Variants in MYO1C observed in about 807,000 individuals in gnomAD.
The protein encoded by MYO1C is myosin IC.
In MYO1C, 104 loss-of-function variants were observed where a neutral mutation model predicts 150.8. The ratio of observed to expected loss-of-function variants is 0.69; its 90% CI spans 0.59 to 0.81. MYO1C has a LOEUF of 0.81. Ranked by LOEUF, MYO1C falls within the 30% of genes least tolerant of loss-of-function variation. The probability of loss-of-function intolerance (pLI) is 0.00; values close to 1 mark genes in which losing one functional copy is unlikely to be tolerated. For missense variants in MYO1C, 1,504 were observed against 1,435.0 expected (o/e 1.05, Z -0.78); for synonymous variants, 663 against 579.9 (o/e 1.14, Z -2.06).
At position 1,483,069 on chromosome 17, in the gene MYO1C, A is replaced by G. The variant is rs2074569488; in HGVS notation, c.348-10T>C. The G allele has an allele frequency of 6.3e-7, 1 of 1,588,308 alleles. No homozygotes were observed. The highest frequency in any genetic ancestry group is 8.6e-7 in the Non-Finnish European group (1 of 1,168,338). On this transcript the variant is annotated splice_polypyrimidine_tract_variant and intron_variant, in intron 3 of 31. Coordinates refer to ENST00000648651, the MANE Select transcript of MYO1C (RefSeq NM_001080779.2). ...GTCCGCCACGGCAAACCTGGGGCGG[A>G]GGCTCGTCAGGGAGTTTGGGGAGGG...
At chr17:1,489,660 C>G (rs894699577) in intron 1 of MYO1C, among the ~76,000 whole-genome samples, 2 of 151,798 alleles carry the variant, frequency 1.3e-5, no homozygotes, top group African/African-American at 4.8e-5. Flanking sequence ...AGCCTGGGTA[C>G]CCCAGAAGAC....
chr17:1,480,469 AAAAG>A, intron 7 of MYO1C, 54 bp downstream of exon 7: 1 of 1,449,714 alleles, frequency 6.9e-7, no homozygotes, highest in Middle Eastern at 1.8e-4. Flanking sequence ...AAACAAAAAA[AAAAG>A]GAGATTTTGG....
Position 1,492,504 on chromosome 17 carries a change from C to G in MYO1C, c.-17G>C, listed in dbSNP as rs2074747498. The G allele has an allele frequency of 1.3e-6, 2 of 1,589,718 alleles. No individual in the cohort carries two copies. Among genetic ancestry groups the G allele is most frequent in the Non-Finnish European group, 1.7e-6 (2 of 1,168,492 alleles). ...CAGCGCCATTCCGCCCTGCGGAGAG[C>G]CAGCGGCCTGGGCACCGCGGCCTGT... On this transcript the variant is annotated 5_prime_UTR_variant, in exon 1 of 32. Coordinates refer to ENST00000648651, the MANE Select transcript of MYO1C (RefSeq NM_001080779.2).
chr17:1,478,476 C>A lies in MYO1C; in HGVS notation c.1229G>T (p.Ser410Ile). ...CCCGAGAACCGTGGTGCTCCGCCAG[C>A]TGGGGCTCTCCACGTCCTAGGGCAG... Reference protein sequence around the residue: ...SLASKDVESPSWRSTTVLGLL... With the variant: ...SLASKDVESPIWRSTTVLGLL... Residue 410 changes from serine to isoleucine, a missense_variant, in exon 11 of 32, where the codon AGC (serine) becomes ATC (isoleucine). Transcript: ENST00000648651. The surrounding 1 kb of genome is among the most constrained non-coding windows in gnomAD (Gnocchi z 6.3). 2 of 1,614,216 alleles carry A rather than the reference C, an allele frequency of 1.2e-6. No individual in the cohort carries two copies. Among genetic ancestry groups the A allele is most frequent in the Non-Finnish European group, 1.7e-6 (2 of 1,180,046 alleles).
Position 1,480,874 on chromosome 17 carries a change from C to T in MYO1C, c.639G>A (p.Val213=). Reference sequence around the variant, plus strand: ...GGAGGTAACTGAGGATGTGGCCACCCACGGGGGCACCCTGTGGGCAGGGCA... The same window carrying T: ...GGAGGTAACTGAGGATGTGGCCACCTACGGGGGCACCCTGTGGGCAGGGCA... The part of the protein sequence containing the change: ...DVQFDFKGAP[V]GGHILSYLLE... Residue 213 remains valine (V), a synonymous_variant, in exon 6 of 32, where the codon GTG becomes GTA. Coordinates refer to ENST00000648651, the MANE Select transcript of MYO1C (RefSeq NM_001080779.2). 6.2e-7 allele frequency: 1 copy of T among 1,614,024 alleles called. No homozygotes were observed. Among genetic ancestry groups the T allele is most frequent in the Non-Finnish European group, 8.5e-7 (1 of 1,180,012 alleles).
At chr17:1,492,335 A>C (rs539979983) in intron 1 of MYO1C, 78 bp downstream of exon 1, 1 of 1,437,356 alleles carries the variant, frequency 7.0e-7, no homozygotes, top group Non-Finnish European at 9.6e-7. Flanking sequence ...CTCTTGCCCG[A>C]GGGCTCGCCT....
chr17:1,491,455 C>CCG (rs1555524134), intron 1 of MYO1C: 4,277 of 157,872 alleles, frequency 0.027, 439 homozygotes, highest in African/African-American at 0.067. Context: ...GGACCCCCCC[C>CCG]CCCCGCACGG....
At chr17:1,484,055 AG>A in intron 2 of MYO1C, 92 bp downstream of exon 2, 1 of 1,471,946 alleles carries the variant, frequency 6.8e-7, no homozygotes, top group Admixed American at 2.0e-5. Context: ...AAAAAAAAAA[AG>A]TTTATCCCGG....
In MYO1C at chr17:1,467,865, A is replaced by G. The variant is rs1176538768; in HGVS notation, c.2942T>C (p.Val981Ala). 1.2e-6 allele frequency: 2 copies of G among 1,605,590 alleles called. No homozygotes were observed. The highest frequency in any genetic ancestry group is 1.7e-6 in the Non-Finnish European group (2 of 1,176,986). Residue 981 changes from valine (V) to alanine (A), a missense_variant, in exon 29 of 32, where the codon GTA becomes GCA. Val to Ala is a moderately conservative substitution (Grantham distance 64). Coordinates refer to ENST00000648651, the MANE Select transcript of MYO1C (RefSeq NM_001080779.2). ...SLSDSLFVLH[V>A]QRADNKQKGD... ...CTTTTGCTTATTGTCCGCACGCTGT[A>G]CATGAAGCACAAAAAGACTGTCGCT...
Position 1,480,541 on chromosome 17 carries a change from C to T in MYO1C, c.892G>A (p.Glu298Lys), listed in dbSNP as rs199526387. The change falls in exon 7 of 32, where the codon GAG (glutamate) becomes AAG (lysine). Residue 298 changes from glutamate to lysine, a missense_variant. By Grantham distance (56) the Glu-to-Lys change is moderately conservative (BLOSUM62 1). Coordinates refer to ENST00000648651, the MANE Select transcript of MYO1C (RefSeq NM_001080779.2). ...AGAGGCCTCACCTCCACTTCATCCT[C>T]GGTGAAATCAATGACTGTCAGAGCC... is the stretch of plus-strand genomic sequence containing the variant. Reference protein sequence around the residue: ...RKALTVIDFTEDEVEDLLSIV... With the variant: ...RKALTVIDFTKDEVEDLLSIV... 2.1e-4 allele frequency: 332 copies of T among 1,613,756 alleles called. No homozygotes were observed. Among genetic ancestry groups the T allele is most frequent in the South Asian group, 9.0e-4 (82 of 91,054 alleles).
At chr17:1,465,833 GT>G in intron 31 of MYO1C, 81 bp from the exon 32 acceptor site, 5 of 1,102,486 alleles carry the variant, frequency 4.5e-6, no homozygotes, top group Non-Finnish European at 6.0e-6. Context: ...TTTCGTCCTT[GT>G]TTTTTCCTTT....
intron 1 of MYO1C, among the ~76,000 whole-genome samples, chr17:1,488,674 T>C (rs1161139859): frequency 6.6e-6 from 1 of 152,240 alleles, no homozygotes; most frequent in Non-Finnish European, 1.5e-5. Context: ...CTACCAGGGC[T>C]GTGACCTTCA....
chr17:1,484,076 G>C (rs1381069478), intron 2 of MYO1C, 72 bp downstream of exon 2: 2 of 1,575,630 alleles, frequency 1.3e-6, no homozygotes, highest in African/African-American at 2.7e-5. Flanking sequence ...GTGACCCTTG[G>C]TGTCTCTTTC....
intron 14 of MYO1C, 153 bp downstream of exon 14, chr17:1,477,352 A>G (rs1567524401): frequency 1.4e-6 from 1 of 704,734 alleles, no homozygotes; most frequent in Non-Finnish European, 2.6e-6. Flanking sequence ...TAAGCTTCTT[A>G]GTTTCTGGAC....
chr17:1,469,380 A>G (rs79752500), intron 25 of MYO1C, 151 bp downstream of exon 25: 50 of 593,316 alleles, frequency 8.4e-5, no homozygotes, highest in Non-Finnish European at 1.2e-4. Context: ...AGAGTAGACC[A>G]GGGTAAATAC....
intron 5 of MYO1C, 87 bp from the exon 6 acceptor site, chr17:1,480,972 T>G: frequency 6.7e-7 from 1 of 1,483,060 alleles, no homozygotes; most frequent in Non-Finnish European, 9.2e-7. Flanking sequence ...CTCCTGGGCT[T>G]TGGCAGCCAG....
rs1598338642 is a variant in MYO1C at position 1,479,787 on chromosome 17, G to A, written c.907-82C>T. On this transcript the variant is annotated intron_variant, in intron 7 of 31. Transcript: ENST00000648651. This position sits in a 1 kb window ranked among gnomAD's most constrained non-coding sequence, Gnocchi z 4.2. Reference sequence around the variant, plus strand: ...GGCAACTAGCAGATGGCCATGCAGGGGTGGGTGGTGAAGTGTCGGAGAGAA... The same window carrying A: ...GGCAACTAGCAGATGGCCATGCAGGAGTGGGTGGTGAAGTGTCGGAGAGAA... 1 of 950,656 alleles carries A rather than the reference G, an allele frequency of 1.1e-6. No homozygotes were observed. The highest frequency in any genetic ancestry group is 2.0e-5 in the Admixed American group (1 of 49,432). 58.9% of individuals were successfully genotyped at this position (950,656 alleles called of 1,614,324 possible). A position where few individuals can be genotyped will look rare whatever the true frequency, so the allele number is the denominator to read the frequency against.
chr17:1,486,054 CT>C (rs536714738), intron 1 of MYO1C: 1,631 of 152,924 alleles, frequency 0.011, 12 homozygotes, highest in South Asian at 0.016. Flanking sequence ...CCGGAACTCA[CT>C]TCCGGGCCTG....
chr17:1,465,953 C>T (rs1250472792), intron 31 of MYO1C, among the ~76,000 whole-genome samples: 4 of 151,976 alleles, frequency 2.6e-5, no homozygotes, highest in Non-Finnish European at 5.9e-5. Flanking sequence ...AGGCGTGAGC[C>T]GCCGCACCCA....
Sources: allele counts gnomAD v4.1 joint callset (sites outside exome capture counted in the v4.1 genomes callset), GRCh38; gene constraint gnomAD v4.1.1; non-coding constraint Gnocchi (gnomAD v3.1); transcripts MANE v1.5; gene names NCBI Gene and HGNC (gene_info 2026-07-23, HGNC 2026-07-21).